Variants in GRM8 observed in about 807,000 individuals in gnomAD.
GRM8 encodes the protein metabotropic glutamate receptor 8.
Under a neutral mutation model 87.2 loss-of-function variants are expected in GRM8, and 47 were observed. The observed-to-expected ratio is 0.54, with a 90% CI of 0.43 to 0.69. The LOEUF is 0.69. Ranked by LOEUF, GRM8 falls within the 30% of genes least tolerant of loss-of-function variation. GRM8 has a pLI of 0.00. For synonymous variants in GRM8, 396 were observed against 404.5 expected, an observed-to-expected ratio of 0.98 and a Z score of 0.25; for missense variants, 1,019 against 1,139.2, an observed-to-expected ratio of 0.89 and a Z score of 1.52.
At chr7:126,864,069 T>C (rs1170158497) in intron 6 of GRM8, among the ~76,000 whole-genome samples, 1 of 140,088 alleles carries the variant, frequency 7.1e-6, no homozygotes, top group African/African-American at 2.6e-5. Context: ...CAAAGTCTTG[T>C]TATGTTTTCC....
intron 3 of GRM8, among the ~76,000 whole-genome samples, chr7:127,005,151 G>A (rs1263034268): frequency 8.3e-6 from 1 of 120,040 alleles, no homozygotes; most frequent in Non-Finnish European, 1.8e-5. Flanking sequence ...CTAGTATTTT[G>A]AAGTATCTGA....
chr7:126,788,346 G>A (rs1389635764), intron 6 of GRM8, among the ~76,000 whole-genome samples: 1 of 132,360 alleles, frequency 7.6e-6, no homozygotes, highest in East Asian at 2.2e-4. Context: ...GCAAGTGAAG[G>A]TTGCAGTGAG....
At chr7:127,207,251 T>C (rs1795964982) in intron 2 of GRM8, among the ~76,000 whole-genome samples, 1 of 152,192 alleles carries the variant, frequency 6.6e-6, no homozygotes, top group Non-Finnish European at 1.5e-5. Context: ...TTACTATCTA[T>C]GCATTTGAAC....
intron 3 of GRM8, among the ~76,000 whole-genome samples, chr7:126,973,070 G>A (rs369878054): frequency 2.6e-5 from 4 of 151,880 alleles, no homozygotes; most frequent in Non-Finnish European, 5.9e-5. Flanking sequence ...TATTCCTATT[G>A]CAGGAGCATT....
At chr7:126,882,548 A>C (rs1371101438) in intron 6 of GRM8, among the ~76,000 whole-genome samples, 1 of 152,248 alleles carries the variant, frequency 6.6e-6, no homozygotes, top group African/African-American at 2.4e-5. Context: ...CGCTAAAAAA[A>C]ACTTAAAAGC....
intron 6 of GRM8, among the ~76,000 whole-genome samples, chr7:126,811,004 T>C (rs1254777646): frequency 6.6e-6 from 1 of 152,110 alleles, no homozygotes; most frequent in Non-Finnish European, 1.5e-5. Flanking sequence ...TAGTATCAGG[T>C]CTCACATTTA....
At chr7:126,993,284 G>A (rs966209418) in intron 3 of GRM8, among the ~76,000 whole-genome samples, 2 of 152,052 alleles carry the variant, frequency 1.3e-5, no homozygotes, top group African/African-American at 4.8e-5. Flanking sequence ...CAACCCAAGA[G>A]TCAATCAACA....
intron 3 of GRM8, among the ~76,000 whole-genome samples, chr7:126,954,300 G>T (rs1327675927): frequency 6.6e-6 from 1 of 152,090 alleles, no homozygotes; most frequent in Non-Finnish European, 1.5e-5. Flanking sequence ...CAGTCACGGG[G>T]ACATGAAAAT....
At chr7:127,190,389 C>T (rs1027364919) in intron 2 of GRM8, among the ~76,000 whole-genome samples, 5 of 151,960 alleles carry the variant, frequency 3.3e-5, no homozygotes, top group Non-Finnish European at 7.4e-5. Context: ...ACTAAAAATA[C>T]AAAAGTTAGC....
intron 6 of GRM8, among the ~76,000 whole-genome samples, chr7:126,790,952 G>A (rs183509126): frequency 1.2e-4 from 19 of 152,276 alleles, no homozygotes; most frequent in Admixed American, 2.0e-4. Context: ...CTGCGGGGCA[G>A]TTGGTAGGAA....
At chr7:127,149,806 GA>G (rs1237255411) in intron 2 of GRM8, among the ~76,000 whole-genome samples, 8 of 152,056 alleles carry the variant, frequency 5.3e-5, no homozygotes, top group South Asian at 2.1e-4. Context: ...AGACACGGGG[GA>G]AAAAAATCAC....
Position 127,017,812 on chromosome 7 carries a change from A to T in GRM8, c.727+88684T>A, listed in dbSNP as rs578154253. Among the ~76,000 whole-genome samples the T allele has an allele frequency of 9.9e-5, 15 of 152,252 alleles. 1 individual carries two copies. The South Asian group carries it at 3.1e-3, about 32-fold the overall frequency. Reference sequence around the variant, plus strand: ...GAGAAGCAGGGACAGAAAAATAGAAATATAAATGAATGGATGAATATTAAC... The same window carrying T: ...GAGAAGCAGGGACAGAAAAATAGAATTATAAATGAATGGATGAATATTAAC... On this transcript the variant is annotated intron_variant, in intron 3 of 10. Coordinates refer to ENST00000339582, the MANE Select transcript of GRM8 (RefSeq NM_000845.3).
intron 2 of GRM8, among the ~76,000 whole-genome samples, chr7:127,138,856 A>C (rs1438177320): frequency 1.3e-5 from 2 of 152,160 alleles, no homozygotes; most frequent in Admixed American, 6.5e-5. Context: ...CAGAACAAAG[A>C]AAACAGAGTC....
intron 6 of GRM8, among the ~76,000 whole-genome samples, chr7:126,815,029 A>G (rs1793655906): frequency 6.6e-6 from 1 of 152,154 alleles, no homozygotes; most frequent in South Asian, 2.1e-4. Flanking sequence ...ATAATTCTAA[A>G]TTTGAATTCC....
chr7:127,195,980 CA>C (rs1222887123), intron 2 of GRM8, among the ~76,000 whole-genome samples: 1 of 152,202 alleles, frequency 6.6e-6, no homozygotes, highest in Non-Finnish European at 1.5e-5. Context: ...GGAAAATAAA[CA>C]AAAAGCTTAA....
At chr7:126,701,187 A>G (rs1215370499) in intron 7 of GRM8, among the ~76,000 whole-genome samples, 1 of 152,140 alleles carries the variant, frequency 6.6e-6, no homozygotes, top group Non-Finnish European at 1.5e-5. Context: ...TTTTGGAATC[A>G]GGTTAGTCAC....
At chr7:126,645,828 G>A (rs1802968101) in intron 7 of GRM8, among the ~76,000 whole-genome samples, 1 of 152,166 alleles carries the variant, frequency 6.6e-6, no homozygotes, top group East Asian at 1.9e-4. Context: ...TCTCTCACTC[G>A]GCTCAACAAA....
chr7:127,120,074 G>A (rs1826942213), intron 2 of GRM8, among the ~76,000 whole-genome samples: 1 of 152,182 alleles, frequency 6.6e-6, no homozygotes, highest in Non-Finnish European at 1.5e-5. Context: ...ATAAACTGAA[G>A]ATCATCTGGT....
At chr7:126,570,840 T>C (rs1199801263) in intron 8 of GRM8, among the ~76,000 whole-genome samples, 1 of 152,224 alleles carries the variant, frequency 6.6e-6, no homozygotes, top group Non-Finnish European at 1.5e-5. Context: ...TCTTCTTTCA[T>C]AAATACCCCA....
Sources: gnomAD v4.1 joint callset for allele counts (sites outside exome capture counted in the v4.1 genomes callset) on GRCh38, gnomAD v4.1.1 for gene constraint, MANE v1.5 for transcripts, NCBI Gene and HGNC (gene_info 2026-07-23, HGNC 2026-07-21) for gene names.